The following KCNH8 variants were observed in gnomAD, a reference collection of about 807,000 sequenced individuals.
KCNH8 encodes the protein potassium voltage-gated channel subfamily H member 8.
KCNH8 carries 70 observed loss-of-function variants against 103.6 expected under a neutral mutation model. The ratio of observed to expected loss-of-function variants is 0.68; its 90% CI spans 0.56 to 0.82. The LOEUF is 0.82. Among genes scored for constraint, KCNH8 ranks in the 40% least tolerant of loss-of-function variants. The pLI is 0.00. For synonymous variants in KCNH8, 498 were observed against 489.4 expected (o/e 1.02, Z -0.23); for missense variants, 1,217 against 1,329.9 (o/e 0.92, Z 1.32).
chr3:19,370,933 A>G (rs1044667889), intron 5 of KCNH8, among the ~76,000 whole-genome samples: 195 of 152,148 alleles, frequency 1.3e-3, no homozygotes, highest in Non-Finnish European at 2.3e-3. Context: ...TACAAAGGAC[A>G]TGAACTCATC....
chr3:19,434,786 T>C (rs946671521), intron 7 of KCNH8, among the ~76,000 whole-genome samples: 3 of 152,188 alleles, frequency 2.0e-5, no homozygotes, highest in African/African-American at 7.2e-5. Flanking sequence ...AGGCATACTA[T>C]GTTTATATTG....
intron 5 of KCNH8, among the ~76,000 whole-genome samples, chr3:19,364,304 T>C (rs1310441122): frequency 6.6e-6 from 1 of 152,144 alleles, no homozygotes; most frequent in Non-Finnish European, 1.5e-5. Flanking sequence ...CCATTCACGC[T>C]AATCTAGGAT....
intron 2 of KCNH8, among the ~76,000 whole-genome samples, chr3:19,268,882 AT>A (rs1186415030): frequency 6.6e-6 from 1 of 152,154 alleles, no homozygotes; most frequent in Non-Finnish European, 1.5e-5. Context: ...TTTAAAACCA[AT>A]TTCAGAGGTT....
intron 1 of KCNH8, among the ~76,000 whole-genome samples, chr3:19,153,475 C>G (rs1190826057): frequency 6.6e-6 from 1 of 152,112 alleles, no homozygotes; most frequent in African/African-American, 2.4e-5. Flanking sequence ...AAAGTCTTTA[C>G]AGAAGCATAT....
intron 2 of KCNH8, among the ~76,000 whole-genome samples, chr3:19,260,845 G>A (rs1380760362): frequency 6.7e-6 from 1 of 148,742 alleles, no homozygotes; most frequent in East Asian, 2.0e-4. Flanking sequence ...CCATATATAA[G>A]TGAGATAATG....
At chr3:19,449,688 A>T (rs920288533) in intron 8 of KCNH8, among the ~76,000 whole-genome samples, 3 of 152,106 alleles carry the variant, frequency 2.0e-5, no homozygotes, top group African/African-American at 7.2e-5. Context: ...TAATTATTAA[A>T]CTATAACTTT....
At chr3:19,278,433 TGGAG>T (rs2064707341) in intron 2 of KCNH8, among the ~76,000 whole-genome samples, 2 of 86,102 alleles carry the variant, frequency 2.3e-5, no homozygotes, top group South Asian at 4.0e-4. Context: ...GAGGGAGAGA[TGGAG>T]GGAGAAAGGC....
intron 2 of KCNH8, among the ~76,000 whole-genome samples, chr3:19,273,835 T>C (rs2064624697): frequency 6.6e-6 from 1 of 152,168 alleles, no homozygotes; most frequent in African/African-American, 2.4e-5. Context: ...ATTTAAAAAT[T>C]AACGCCACAT....
intron 7 of KCNH8, among the ~76,000 whole-genome samples, chr3:19,416,615 A>G (rs879696930): frequency 1.3e-5 from 2 of 152,148 alleles, no homozygotes; most frequent in Admixed American, 6.6e-5. Context: ...CTCATCTTCA[A>G]TAGCGCTCTT....
At chr3:19,290,196 G>C (rs1362429356) in intron 3 of KCNH8, among the ~76,000 whole-genome samples, 2 of 152,050 alleles carry the variant, frequency 1.3e-5, no homozygotes, top group African/African-American at 2.4e-5. Context: ...CTAAAAACAG[G>C]GACAATTTGA....
intron 5 of KCNH8, among the ~76,000 whole-genome samples, chr3:19,370,568 A>C (rs981917985): frequency 2.0e-5 from 3 of 152,058 alleles, no homozygotes; most frequent in Admixed American, 6.6e-5. Flanking sequence ...CTAAGCTAAG[A>C]TAATTTTAAA....
intron 2 of KCNH8, among the ~76,000 whole-genome samples, chr3:19,268,234 C>T (rs1351853413): frequency 6.6e-6 from 1 of 151,958 alleles, no homozygotes; most frequent in East Asian, 1.9e-4. Context: ...GTTGCAGGCT[C>T]CTATGGTAGA....
intron 1 of KCNH8, among the ~76,000 whole-genome samples, chr3:19,223,286 G>A (rs1050494983): frequency 2.0e-5 from 3 of 152,052 alleles, no homozygotes; most frequent in African/African-American, 7.2e-5. Flanking sequence ...TTTGCATATG[G>A]TCAAAATTAC....
At chr3:19,510,599 T>C (rs1026284710) in intron 12 of KCNH8, among the ~76,000 whole-genome samples, 198 bp downstream of exon 12, 1 of 152,220 alleles carries the variant, frequency 6.6e-6, no homozygotes, top group African/African-American at 2.4e-5. Context: ...TATGGGAGCA[T>C]TTTATAGTTA....
chr3:19,181,488 T>G (rs1050048965), intron 1 of KCNH8, among the ~76,000 whole-genome samples: 3 of 152,016 alleles, frequency 2.0e-5, no homozygotes, highest in Non-Finnish European at 2.9e-5. Context: ...AAGATTAATC[T>G]AAAAAGAGAG....
At chr3:19,500,134 C>G (rs1289868223) in intron 11 of KCNH8, among the ~76,000 whole-genome samples, 34 of 152,240 alleles carry the variant, frequency 2.2e-4, no homozygotes, top group Non-Finnish European at 3.8e-4. Context: ...GCAGGGGTTG[C>G]AATCCTAGTC....
At chr3:19,420,461 G>A (rs1369942013) in intron 7 of KCNH8, among the ~76,000 whole-genome samples, 1 of 151,978 alleles carries the variant, frequency 6.6e-6, no homozygotes, top group Non-Finnish European at 1.5e-5. Flanking sequence ...GAGGGAGGGC[G>A]GTATTTCTAA....
At chr3:19,233,744 G>C (rs2064024224) in intron 1 of KCNH8, among the ~76,000 whole-genome samples, 1 of 152,100 alleles carries the variant, frequency 6.6e-6, no homozygotes, top group Non-Finnish European at 1.5e-5. Context: ...GTCTGGAATT[G>C]GTGGGTTCTT....
At chr3:19,352,958 A>T (rs1192734098) in intron 5 of KCNH8, among the ~76,000 whole-genome samples, 7 of 152,084 alleles carry the variant, frequency 4.6e-5, no homozygotes, top group South Asian at 4.1e-4. Flanking sequence ...GTTTTTTTTT[A>T]AAAGATCAAC....
Sources: allele counts gnomAD v4.1 joint callset (sites outside exome capture counted in the v4.1 genomes callset), GRCh38; gene constraint gnomAD v4.1.1; transcripts MANE v1.5; gene names NCBI Gene and HGNC (gene_info 2026-07-23, HGNC 2026-07-21).